Variants in PUM1 observed in about 807,000 individuals in gnomAD.
The protein encoded by PUM1 is pumilio RNA binding family member 1.
Under a neutral mutation model 131.8 loss-of-function variants are expected in PUM1, and 13 were observed. The observed-to-expected ratio is 0.10, with a 90% CI of 0.06 to 0.16. The LOEUF (loss-of-function observed/expected upper bound fraction) is 0.16. Ranked by LOEUF, PUM1 falls within the 10% of genes least tolerant of loss-of-function variation. PUM1 has a pLI of 1.00. For synonymous variants in PUM1, 509 were observed against 556.5 expected (o/e 0.91, Z 1.20); for missense variants, 961 against 1,512.4 (o/e 0.64, Z 6.05).
Position 30,968,764 on chromosome 1 carries a change from T to C in PUM1, c.1507-272A>G, listed in dbSNP as rs572716544. On this transcript the variant is annotated intron_variant, in intron 10 of 21. Coordinates refer to ENST00000426105, the MANE Select transcript of PUM1 (RefSeq NM_001020658.2). ...TCATTCATTCAAACATTTTATCTCATCTGCCTCATAAAGTTCTTGTGACAA... is the reference window on the plus strand; with the variant it reads ...TCATTCATTCAAACATTTTATCTCACCTGCCTCATAAAGTTCTTGTGACAA... Among the ~76,000 whole-genome samples, 93 of 152,330 alleles carry C rather than the reference T, an allele frequency of 6.1e-4. 2 individuals are homozygous for C. Among genetic ancestry groups the C allele is most frequent in the Middle Eastern group, 3.4e-3 (1 of 294 alleles).
chr1:31,041,187 T>G (rs1301090686), intron 2 of PUM1, among the ~76,000 whole-genome samples: 1 of 152,192 alleles, frequency 6.6e-6, no homozygotes, highest in Non-Finnish European at 1.5e-5. Context: ...AAATTCAATT[T>G]TGAATAGCAT....
At chr1:30,968,941 G>A (rs563523500) in intron 10 of PUM1, among the ~76,000 whole-genome samples, 6 of 152,224 alleles carry the variant, frequency 3.9e-5, no homozygotes, top group East Asian at 1.9e-4. Context: ...TTATTTTAAC[G>A]AATGAGACAG....
At position 30,931,841 on chromosome 1, in the gene PUM1, TTG is replaced by T. The variant is rs1638984812; in HGVS notation, c.*1368_*1369del. On this transcript the variant is annotated 3_prime_UTR_variant, in exon 22 of 22. Coordinates refer to ENST00000426105, the MANE Select transcript of PUM1 (RefSeq NM_001020658.2). ...CTTTACAAGGTGAGAGGGGCTCTGA[TTG>T]TAAGGAAAGCTCGGGCAAGGCTAGA... 2.0e-5 allele frequency: 3 copies of T among 152,706 alleles called. No individual in the cohort carries two copies. In the South Asian group the frequency reaches 6.2e-4, roughly 32 times the overall value. The allele number at this position is 152,706 out of a possible 1,614,324, so 9.5% of individuals were successfully genotyped here. A position where few individuals can be genotyped will look rare whatever the true frequency, so the allele number is the denominator to read the frequency against.
chr1:31,024,442 C>A (rs536954098), intron 3 of PUM1, among the ~76,000 whole-genome samples: 4 of 152,312 alleles, frequency 2.6e-5, no homozygotes, highest in African/African-American at 9.6e-5. Context: ...TTTGTTATCA[C>A]TCTGTATATA....
chr1:31,009,760 T>A (rs1331012093), intron 3 of PUM1, among the ~76,000 whole-genome samples: 1 of 16,602 alleles, frequency 6.0e-5, no homozygotes, highest in African/African-American at 6.0e-4. Flanking sequence ...AGAGCAAGAC[T>A]CTGTCTCAAA....
At chr1:31,006,455 T>C (rs913708744) in intron 4 of PUM1, among the ~76,000 whole-genome samples, 2 of 152,212 alleles carry the variant, frequency 1.3e-5, no homozygotes, top group Admixed American at 1.3e-4. Context: ...ATACACGACA[T>C]TGGCTTTTGG....
intron 14 of PUM1, among the ~76,000 whole-genome samples, chr1:30,959,935 C>T (rs1212577663): frequency 2.6e-5 from 4 of 150,950 alleles, no homozygotes; most frequent in Non-Finnish European, 5.9e-5. Flanking sequence ...ATAAAAAACA[C>T]TTGACAAAAA....
At chr1:30,989,571 C>CAAAA (rs1174565063) in intron 7 of PUM1, among the ~76,000 whole-genome samples, 799 of 27,702 alleles carry the variant, frequency 0.029, 80 homozygotes, top group East Asian at 0.057. Flanking sequence ...GACTCCGTCT[C>CAAAA]AAAAAAAAAA....
chr1:30,977,951 C>T (rs1354907794), intron 9 of PUM1, among the ~76,000 whole-genome samples: 1 of 152,144 alleles, frequency 6.6e-6, no homozygotes, highest in Non-Finnish European at 1.5e-5. Flanking sequence ...TCAAATGAGA[C>T]AGTTCTCTCT....
intron 7 of PUM1, among the ~76,000 whole-genome samples, chr1:30,990,270 A>G (rs1477581283): frequency 2.0e-5 from 3 of 152,226 alleles, no homozygotes; most frequent in Non-Finnish European, 4.4e-5. Context: ...CTTTGCCCTC[A>G]AGGAGCTTAC....
intron 3 of PUM1, among the ~76,000 whole-genome samples, chr1:31,013,319 G>T (rs1642689921): frequency 6.6e-6 from 1 of 152,144 alleles, no homozygotes; most frequent in Non-Finnish European, 1.5e-5. Context: ...GTTTACTGAT[G>T]ATCTCAACAG....
intron 14 of PUM1, among the ~76,000 whole-genome samples, chr1:30,964,255 T>C (rs181903584): frequency 1.3e-5 from 2 of 152,274 alleles, no homozygotes; most frequent in Admixed American, 1.3e-4. Context: ...AGATATTATA[T>C]GTACATATAG....
At position 30,933,221 on chromosome 1, in the gene PUM1, C is replaced by A; in HGVS notation, c.3557G>T (p.Gly1186Val). ...GCGGGTGACACTGCCTCAGATGATA[C>A]CATTAGGGGGGCCACAGATGGGCCC... ...DLGPICGPPN[G>V]II is the part of the protein sequence containing the mutation. The change falls in exon 22 of 22, where the codon GGT (glycine) becomes GTT (valine). Residue 1186 changes from glycine (G) to valine (V), a missense_variant. Around this residue, in one of 4 missense-constraint regions of PUM1, gnomAD observed 178 missense variants for 327.5 expected, o/e 0.54. Coordinates refer to ENST00000426105, the MANE Select transcript of PUM1 (RefSeq NM_001020658.2). The A allele has an allele frequency of 1.2e-6, 2 of 1,612,692 alleles. No individual in the cohort carries two copies. Among genetic ancestry groups the A allele is most frequent in the Non-Finnish European group, 8.5e-7 (1 of 1,179,420 alleles).
At position 30,952,683 on chromosome 1, in the gene PUM1, CGG is replaced by C. The variant is rs1233416238; in HGVS notation, c.2592-322_2592-321del. Among the ~76,000 whole-genome samples the C allele has an allele frequency of 1.4e-4, 6 of 41,826 alleles. No individual in the cohort carries two copies. The East Asian group carries it at 0.012, about 81-fold the overall frequency. 27.4% of individuals were successfully genotyped at this position (41,826 alleles called of 152,430 possible). A position where few individuals can be genotyped will look rare whatever the true frequency, so the allele number is the denominator to read the frequency against. On this transcript the variant is annotated intron_variant, in intron 15 of 21. Transcript: ENST00000426105. ...GGAGGGAAGATGAAAGCGGGGGGGG[CGG>C]GGGGGGGGCGGGAGGGGCAGGGGTG...
intron 14 of PUM1, among the ~76,000 whole-genome samples, chr1:30,957,633 T>G (rs1428839485): frequency 6.6e-6 from 1 of 152,224 alleles, no homozygotes; most frequent in Non-Finnish European, 1.5e-5. Context: ...CTTCAGCTAT[T>G]TTGCATAATT....
At chr1:31,041,332 C>T (rs1643806389) in intron 2 of PUM1, among the ~76,000 whole-genome samples, 1 of 151,978 alleles carries the variant, frequency 6.6e-6, no homozygotes, top group African/African-American at 2.4e-5. Context: ...CCACCTTGGC[C>T]TCCCAAAGTG....
rs1030134670 is a variant in PUM1 at position 30,995,486 on chromosome 1, C to T, written c.721-266G>A. 1.8e-4 allele frequency among the ~76,000 whole-genome samples: 27 copies of T among 152,248 alleles called. 1 individual carries two copies. The South Asian group carries it at 1.9e-3, about 11-fold the overall frequency. Reference sequence around the variant, plus strand: ...GTCCCACCAACCCATTTTCTTCCTTCCTTTTTTTTCTTCCTTCCTTTTTTT... The same window carrying T: ...GTCCCACCAACCCATTTTCTTCCTTTCTTTTTTTTCTTCCTTCCTTTTTTT... On this transcript the variant is annotated intron_variant, in intron 5 of 21. Transcript: ENST00000426105.
chr1:31,052,070 T>C (rs1223802263), intron 2 of PUM1, among the ~76,000 whole-genome samples: 1 of 152,090 alleles, frequency 6.6e-6, no homozygotes, highest in Non-Finnish European at 1.5e-5. Context: ...TGGAGGGCAG[T>C]GGTGCGATCT....
At chr1:30,995,886 CTG>C (rs1479695171) in intron 5 of PUM1, among the ~76,000 whole-genome samples, 1 of 152,160 alleles carries the variant, frequency 6.6e-6, no homozygotes, top group Non-Finnish European at 1.5e-5. Flanking sequence ...CAAGTTAACT[CTG>C]AGATTCTTTC....
Sources: allele counts gnomAD v4.1 joint callset (sites outside exome capture counted in the v4.1 genomes callset), GRCh38; gene constraint gnomAD v4.1.1; regional missense constraint gnomAD v4.1.1; transcripts MANE v1.5; gene names NCBI Gene and HGNC (gene_info 2026-07-23, HGNC 2026-07-21).